The following TANC2 variants were observed in gnomAD, a reference collection of about 807,000 sequenced individuals.
TANC2 encodes the protein protein TANC2.
In TANC2, 26 loss-of-function variants were observed where a neutral mutation model predicts 210.5. That is an observed-to-expected ratio of 0.12 (90% confidence interval 0.09 to 0.17). The LOEUF is 0.17. Ranked by LOEUF, TANC2 falls within the 10% of genes least tolerant of loss-of-function variation. TANC2 has a pLI of 1.00. For missense variants in TANC2, 2,129 were observed against 2,608.9 expected (o/e 0.82, Z 4.01); for synonymous variants, 931 against 967.1 (o/e 0.96, Z 0.69).
At chr17:63,245,778 G>A (rs1002428112) in intron 8 of TANC2, among the ~76,000 whole-genome samples, 1 of 151,714 alleles carries the variant, frequency 6.6e-6, no homozygotes, top group Non-Finnish European at 1.5e-5. Context: ...GGGAGGTGGA[G>A]GTTGCAGTGA....
intron 14 of TANC2, among the ~76,000 whole-genome samples, chr17:63,356,285 C>A (rs1430676606): frequency 1.3e-5 from 2 of 152,116 alleles, no homozygotes; most frequent in Non-Finnish European, 2.9e-5. Context: ...TTTTTAAAGA[C>A]GTATTCCTTT....
At chr17:63,098,156 C>T (rs2037459218) in intron 3 of TANC2, among the ~76,000 whole-genome samples, 1 of 152,016 alleles carries the variant, frequency 6.6e-6, no homozygotes, top group African/African-American at 2.4e-5. Flanking sequence ...TAATTAAGGG[C>T]TAGATGCTGT....
At chr17:63,094,156 G>C (rs73991884) in intron 3 of TANC2, among the ~76,000 whole-genome samples, 1,791 of 151,924 alleles carry the variant, frequency 0.012, 35 homozygotes, top group African/African-American at 0.041. Flanking sequence ...TTTTCTTATA[G>C]CTTTTTTGTA....
At chr17:63,366,556 A>G (rs2047115796) in intron 14 of TANC2, among the ~76,000 whole-genome samples, 1 of 152,210 alleles carries the variant, frequency 6.6e-6, no homozygotes, top group Non-Finnish European at 1.5e-5. Flanking sequence ...GTTGGAACAG[A>G]GAAAAGATGA....
intron 10 of TANC2, 38 bp downstream of exon 10, chr17:63,314,707 G>A: frequency 6.3e-7 from 1 of 1,595,500 alleles, no homozygotes; most frequent in East Asian, 2.2e-5. Context: ...TGTTTCATTG[G>A]CGCTGAAGTT....
intron 8 of TANC2, among the ~76,000 whole-genome samples, chr17:63,243,746 T>G (rs1373293060): frequency 6.6e-6 from 1 of 152,212 alleles, no homozygotes; most frequent in Non-Finnish European, 1.5e-5. Flanking sequence ...TTTATACTCA[T>G]GAGAAGACTT....
Position 63,178,571 on chromosome 17 carries a change from C to G in TANC2, c.434-15420C>G, listed in dbSNP as rs116537506. Among the ~76,000 whole-genome samples the G allele has an allele frequency of 4.2e-3, 646 of 152,272 alleles. 6 individuals are homozygous for G. The highest frequency in any genetic ancestry group is 0.014 in the African/African-American group (563 of 41,562). ...AAAAATTCAGGTAATCGTTCGAGAA[C>G]TAAGAAATGAAAATATAGCCAGGTT... On this transcript the variant is annotated intron_variant, in intron 5 of 27. Transcript: ENST00000689528.
At chr17:63,171,081 C>CTTTTTT (rs578140711) in intron 5 of TANC2, among the ~76,000 whole-genome samples, 9 of 98,056 alleles carry the variant, frequency 9.2e-5, no homozygotes, top group Non-Finnish European at 1.1e-4. Flanking sequence ...GTATTTCTTT[C>CTTTTTT]TTTTTTTTTT....
intron 1 of TANC2, among the ~76,000 whole-genome samples, chr17:62,983,151 T>C (rs2032389583): frequency 6.6e-6 from 1 of 152,118 alleles, no homozygotes; most frequent in Non-Finnish European, 1.5e-5. Flanking sequence ...GTTTTTCTTA[T>C]AGAGGTCTTC....
Position 63,418,427 on chromosome 17 carries a change from G to T in TANC2, c.4268+20G>T. 1 of 1,600,542 alleles carries T rather than the reference G, an allele frequency of 6.2e-7. No individual in the cohort carries two copies. ...CAGCAGGTGAGGAGAGAGAGAGAGG[G>T]TGAAAGCAAGAGGTCTCTTTTCTGA... On this transcript the variant is annotated intron_variant, in intron 27 of 27. Coordinates refer to ENST00000689528, the Ensembl canonical transcript of TANC2. This position sits in a 1 kb window ranked among gnomAD's most constrained non-coding sequence, Gnocchi z 4.6.
chr17:63,223,248 C>T (rs562037331), intron 7 of TANC2, among the ~76,000 whole-genome samples: 223 of 152,236 alleles, frequency 1.5e-3, no homozygotes, highest in Middle Eastern at 0.014. Context: ...GATGCAGGTG[C>T]ACCCCAAAAT....
chr17:63,351,687 C>T (rs1292658804), intron 13 of TANC2, among the ~76,000 whole-genome samples: 3 of 152,120 alleles, frequency 2.0e-5, no homozygotes, highest in Non-Finnish European at 1.5e-5. Context: ...TTTTTCTAGA[C>T]TGTTCTGAGG....
chr17:63,278,426 A>G (rs1334849830), intron 9 of TANC2, among the ~76,000 whole-genome samples: 1 of 152,154 alleles, frequency 6.6e-6, no homozygotes, highest in Non-Finnish European at 1.5e-5. Flanking sequence ...ATAATGAGAT[A>G]GTACCTCACA....
At chr17:63,027,781 C>T (rs1278061601) in intron 2 of TANC2, among the ~76,000 whole-genome samples, 1 of 152,064 alleles carries the variant, frequency 6.6e-6, no homozygotes, top group Admixed American at 6.6e-5. Context: ...CAATCATAGA[C>T]TCTTTGTCCT....
At chr17:63,299,168 A>G (rs1440264761) in intron 9 of TANC2, among the ~76,000 whole-genome samples, 3 of 152,122 alleles carry the variant, frequency 2.0e-5, no homozygotes, top group African/African-American at 7.2e-5. Context: ...TATCAAGTCT[A>G]TCATTGATGG....
chr17:63,370,814 T>G (rs1239664845), intron 14 of TANC2, among the ~76,000 whole-genome samples: 1 of 152,184 alleles, frequency 6.6e-6, no homozygotes, highest in Non-Finnish European at 1.5e-5. Flanking sequence ...GAGTGGAAGA[T>G]TCTTCTGGGC....
Position 63,158,812 on chromosome 17 carries a change from C to T in TANC2, c.433+7432C>T, listed in dbSNP as rs139792078. On this transcript the variant is annotated intron_variant, in intron 5 of 27. Transcript: ENST00000689528. ...TGCAGCATAGCAGGGTTCTGTGGCTCTCACAGGTTGCAATCAAGGTGACAG... is the reference window on the plus strand; with the variant it reads ...TGCAGCATAGCAGGGTTCTGTGGCTTTCACAGGTTGCAATCAAGGTGACAG... Among the ~76,000 whole-genome samples, 22 of 152,318 alleles carry T rather than the reference C, an allele frequency of 1.4e-4. No homozygotes were observed. The East Asian group carries it at 3.7e-3, about 25-fold the overall frequency.
chr17:63,311,028 A>G (rs2045107288), intron 9 of TANC2, among the ~76,000 whole-genome samples: 1 of 152,242 alleles, frequency 6.6e-6, no homozygotes, highest in African/African-American at 2.4e-5. Flanking sequence ...CATAGTAGAT[A>G]AGATTCAGAT....
At chr17:63,313,673 C>CT (rs956165489) in intron 9 of TANC2, among the ~76,000 whole-genome samples, 1 of 152,124 alleles carries the variant, frequency 6.6e-6, no homozygotes, top group Admixed American at 6.6e-5. Flanking sequence ...TGCTCGACTG[C>CT]TTAGAATGTT....
Sources: gnomAD v4.1 joint callset for allele counts (sites outside exome capture counted in the v4.1 genomes callset) on GRCh38, gnomAD v4.1.1 for gene constraint, Gnocchi (gnomAD v3.1) non-coding constraint, MANE v1.5 for transcripts, NCBI Gene and HGNC (gene_info 2026-07-23, HGNC 2026-07-21) for gene names.